Variants in TENM4 observed in about 807,000 individuals in gnomAD.
TENM4 encodes the protein teneurin-4.
A neutral mutation model predicts 243.3 loss-of-function variants in TENM4; 82 were observed. The observed-to-expected ratio is 0.34, with a 90% CI of 0.28 to 0.40. The LOEUF is 0.40. Among genes scored for constraint, TENM4 ranks in the 10% least tolerant of loss-of-function variants. TENM4 has a pLI of 1.00. For synonymous variants in TENM4, 1,412 were observed against 1,456.3 expected, an observed-to-expected ratio of 0.97 and a Z score of 0.69; for missense variants, 3,138 against 3,673.3, an observed-to-expected ratio of 0.85 and a Z score of 3.77.
At chr11:79,335,053 A>G (rs1168028611) in intron 1 of TENM4, among the ~76,000 whole-genome samples, 1 of 152,202 alleles carries the variant, frequency 6.6e-6, no homozygotes, top group Non-Finnish European at 1.5e-5. Context: ...TGAAAACTCC[A>G]GGCTTGATTT....
At position 79,202,332 on chromosome 11, in the gene TENM4, G is replaced by A. The variant is rs151047663; in HGVS notation, c.-163+13476C>T. ...GCAGCTGTGCCTTTCTCATCCAGAG[G>A]CAGCTCCAAAATGAACAACAGTAGC... is the stretch of plus-strand genomic sequence containing the variant. On this transcript the variant is annotated intron_variant, in intron 3 of 33. Transcript: ENST00000278550. Among the ~76,000 whole-genome samples, 9 of 152,282 alleles carry A rather than the reference G, an allele frequency of 5.9e-5. No homozygotes were observed. In the East Asian group the frequency reaches 1.5e-3, roughly 26 times the overall value.
intron 28 of TENM4, among the ~76,000 whole-genome samples, chr11:78,695,444 A>C (rs1233593571): frequency 3.9e-5 from 6 of 152,020 alleles, no homozygotes; most frequent in Admixed American, 3.3e-4. Context: ...GCTCATTGCA[A>C]CCTCCGCCTC....
chr11:78,824,586 C>A (rs1857810764), intron 12 of TENM4, among the ~76,000 whole-genome samples: 1 of 151,144 alleles, frequency 6.6e-6, no homozygotes, highest in Non-Finnish European at 1.5e-5. Flanking sequence ...ACTGCAACCT[C>A]CGCCTCCCGG....
At chr11:78,688,273 C>T in intron 28 of TENM4, 47 bp from the exon 29 acceptor site, 2 of 1,568,770 alleles carry the variant, frequency 1.3e-6, no homozygotes, top group Non-Finnish European at 8.7e-7. Context: ...TAATGGTGCT[C>T]TAGCTGGAAC....
intron 2 of TENM4, among the ~76,000 whole-genome samples, chr11:79,241,160 G>A (rs1391924364): frequency 6.6e-6 from 1 of 151,862 alleles, no homozygotes; most frequent in Non-Finnish European, 1.5e-5. Flanking sequence ...TGATGAGTTT[G>A]TTTGGATATG....
intron 26 of TENM4, among the ~76,000 whole-genome samples, chr11:78,709,827 G>A (rs142117218): frequency 1.6e-3 from 251 of 152,306 alleles, no homozygotes; most frequent in African/African-American, 5.7e-3. Context: ...CGAATTCAGC[G>A]GGTGGCTAGG....
At chr11:78,690,927 C>G (rs951376285) in intron 28 of TENM4, among the ~76,000 whole-genome samples, 1 of 152,172 alleles carries the variant, frequency 6.6e-6, no homozygotes, top group Non-Finnish European at 1.5e-5. Context: ...CCTGACCTAA[C>G]CACATGAAAA....
chr11:79,348,369 A>G (rs1857363627), intron 1 of TENM4, among the ~76,000 whole-genome samples: 1 of 152,180 alleles, frequency 6.6e-6, no homozygotes, highest in African/African-American at 2.4e-5. Context: ...AATCTCCTTC[A>G]TTGGTATCCC....
intron 4 of TENM4, among the ~76,000 whole-genome samples, chr11:79,123,505 T>C (rs1481491021): frequency 2.0e-5 from 3 of 151,836 alleles, no homozygotes; most frequent in Non-Finnish European, 2.9e-5. Context: ...CTGCCAAAAG[T>C]ACACTTGGAC....
Position 79,179,687 on chromosome 11 carries a change from A to G in TENM4, c.-162-30881T>C, listed in dbSNP as rs145357809. Reference sequence around the variant, plus strand: ...AATACTGAGGATGTGTACTCAAAAAACATTTATTGTTAAGGACAGATGATA... The same window carrying G: ...AATACTGAGGATGTGTACTCAAAAAGCATTTATTGTTAAGGACAGATGATA... On this transcript the variant is annotated intron_variant, in intron 3 of 33. Transcript: ENST00000278550. Among the ~76,000 whole-genome samples the G allele has an allele frequency of 7.0e-3, 1,069 of 151,936 alleles. 16 individuals carry two copies. The highest frequency in any genetic ancestry group is 0.025 in the African/African-American group (1,019 of 41,520).
At chr11:78,823,360 G>A (rs1488729909) in intron 12 of TENM4, among the ~76,000 whole-genome samples, 1 of 152,238 alleles carries the variant, frequency 6.6e-6, no homozygotes, top group Non-Finnish European at 1.5e-5. Flanking sequence ...CCCAAGCCAA[G>A]CTCAGGCACA....
At chr11:78,674,209 C>T (rs889194176) in intron 30 of TENM4, among the ~76,000 whole-genome samples, 9 of 152,162 alleles carry the variant, frequency 5.9e-5, no homozygotes, top group African/African-American at 1.7e-4. Context: ...GTCCTGTGCT[C>T]GGCAGTGGCG....
At chr11:79,073,478 G>T (rs1475368385) in intron 4 of TENM4, among the ~76,000 whole-genome samples, 1 of 152,176 alleles carries the variant, frequency 6.6e-6, no homozygotes, top group Non-Finnish European at 1.5e-5. Context: ...TTAAGTGCAT[G>T]CATGAATGAA....
chr11:79,139,777 A>AATATATATATTATATAT (rs1231182496), intron 4 of TENM4, among the ~76,000 whole-genome samples: 9,952 of 26,588 alleles, frequency 0.37, 1,572 homozygotes, highest in Middle Eastern at 0.5. Context: ...ATAAATATAT[A>AATATATATATTATATAT]ATATATATTA....
At chr11:79,375,090 T>C (rs1857865666) in intron 1 of TENM4, among the ~76,000 whole-genome samples, 2 of 152,334 alleles carry the variant, frequency 1.3e-5, no homozygotes, top group South Asian at 2.1e-4. Context: ...TCTAAATCTT[T>C]TGTCTAACAC....
intron 1 of TENM4, among the ~76,000 whole-genome samples, chr11:79,396,021 A>C (rs1858336694): frequency 6.6e-6 from 1 of 152,190 alleles, no homozygotes; most frequent in African/African-American, 2.4e-5. Flanking sequence ...GCAGGTGTGC[A>C]ACAAACATCA....
At chr11:78,923,745 G>A (rs528584363) in intron 6 of TENM4, among the ~76,000 whole-genome samples, 70 of 122,034 alleles carry the variant, frequency 5.7e-4, no homozygotes, top group Admixed American at 1.7e-3. Flanking sequence ...TCACCATGTT[G>A]GCCAGGCTGG....
At chr11:79,142,499 A>G (rs960162459) in intron 4 of TENM4, among the ~76,000 whole-genome samples, 5 of 152,154 alleles carry the variant, frequency 3.3e-5, no homozygotes, top group African/African-American at 1.2e-4. Context: ...CAAAAAATAG[A>G]AAGATATTTC....
At chr11:79,171,493 C>A (rs1335142928) in intron 3 of TENM4, among the ~76,000 whole-genome samples, 7 of 152,178 alleles carry the variant, frequency 4.6e-5, no homozygotes, top group Admixed American at 3.9e-4. Flanking sequence ...AAGCTTTGAT[C>A]TATGAAACGA....
Sources: allele counts gnomAD v4.1 joint callset (sites outside exome capture counted in the v4.1 genomes callset), GRCh38; gene constraint gnomAD v4.1.1; transcripts MANE v1.5; gene names NCBI Gene and HGNC (gene_info 2026-07-23, HGNC 2026-07-21).